The following KIAA1328 variants were observed in gnomAD, a reference collection of about 807,000 sequenced individuals.
KIAA1328 encodes KIAA1328.
Under a neutral mutation model 68.1 loss-of-function variants are expected in KIAA1328, and 52 were observed. The ratio of observed to expected loss-of-function variants is 0.76; its 90% CI spans 0.61 to 0.96. KIAA1328 has a LOEUF of 0.96. KIAA1328 is among the 40% of genes least tolerant of loss of function. The pLI, the probability that KIAA1328 is intolerant of heterozygous loss-of-function variation, is 0.00. For synonymous variants in KIAA1328, 232 were observed against 239.4 expected, an observed-to-expected ratio of 0.97 and a Z score of 0.28; for missense variants, 641 against 677.6, an observed-to-expected ratio of 0.95 and a Z score of 0.60.
chr18:37,060,211 T>TC (rs1371199423), intron 6 of KIAA1328, among the ~76,000 whole-genome samples: 2 of 152,156 alleles, frequency 1.3e-5, no homozygotes, highest in Non-Finnish European at 2.9e-5. Flanking sequence ...TTGGAAAATG[T>TC]AGGGCATTCA....
At chr18:37,078,336 G>A (rs1256799986) in intron 7 of KIAA1328, among the ~76,000 whole-genome samples, 1 of 151,978 alleles carries the variant, frequency 6.6e-6, no homozygotes, top group Non-Finnish European at 1.5e-5. Flanking sequence ...ATTCAAGATG[G>A]ATTAAAGACT....
chr18:37,042,249 C>T (rs748067596), intron 6 of KIAA1328, among the ~76,000 whole-genome samples: 16 of 152,104 alleles, frequency 1.1e-4, no homozygotes, highest in South Asian at 2.1e-4. Context: ...AATTATTTTA[C>T]GTAATTGTCT....
At chr18:36,940,117 A>T (rs1255447719) in intron 5 of KIAA1328, among the ~76,000 whole-genome samples, 1 of 152,226 alleles carries the variant, frequency 6.6e-6, no homozygotes, top group Non-Finnish European at 1.5e-5. Context: ...ATAAAAAGAT[A>T]TGACTTTGGA....
chr18:36,885,826 C>T, intron 5 of KIAA1328, 154 bp downstream of exon 5: 1 of 542,134 alleles, frequency 1.8e-6, no homozygotes. Context: ...AAGCGATTCT[C>T]CTACCTCAGC....
chr18:37,132,964 T>A (rs2058556700), intron 7 of KIAA1328, among the ~76,000 whole-genome samples: 1 of 152,190 alleles, frequency 6.6e-6, no homozygotes, highest in African/African-American at 2.4e-5. Context: ...TTACAGACAT[T>A]GTGCTGAATA....
At chr18:37,106,567 C>T (rs558754482) in intron 7 of KIAA1328, among the ~76,000 whole-genome samples, 1 of 152,088 alleles carries the variant, frequency 6.6e-6, no homozygotes, top group South Asian at 2.1e-4. Context: ...TACAGGCGTG[C>T]CCCACCACGC....
At chr18:37,189,750 A>G (rs2059870304) in intron 9 of KIAA1328, among the ~76,000 whole-genome samples, 1 of 152,108 alleles carries the variant, frequency 6.6e-6, no homozygotes, top group Admixed American at 6.6e-5. Context: ...TTATTCAAGA[A>G]TCTGTTTGCT....
chr18:36,922,177 C>A (rs2049952651), intron 5 of KIAA1328, among the ~76,000 whole-genome samples: 1 of 152,022 alleles, frequency 6.6e-6, no homozygotes, highest in Non-Finnish European at 1.5e-5. Context: ...GCATTTAATA[C>A]TATTCTTAGG....
chr18:36,999,452 T>G (rs1431982700), intron 6 of KIAA1328, among the ~76,000 whole-genome samples: 1 of 152,174 alleles, frequency 6.6e-6, no homozygotes, highest in Non-Finnish European at 1.5e-5. Context: ...CAAAAAGGAC[T>G]TCTCCATGGC....
At chr18:37,214,936 G>T (rs548668320) in intron 9 of KIAA1328, among the ~76,000 whole-genome samples, 61 of 152,294 alleles carry the variant, frequency 4.0e-4, no homozygotes, top group African/African-American at 1.4e-3. Flanking sequence ...GTTCACTCAT[G>T]ATTTGGCTCT....
At chr18:37,071,057 C>CTTT (rs58722044) in intron 7 of KIAA1328, among the ~76,000 whole-genome samples, 2 of 86,846 alleles carry the variant, frequency 2.3e-5, no homozygotes, top group Admixed American at 1.3e-4. Context: ...TTTTTTCTTC[C>CTTT]TTTTTTTTTT....
At chr18:37,070,845 A>G (rs1043190406) in intron 7 of KIAA1328, among the ~76,000 whole-genome samples, 2 of 151,790 alleles carry the variant, frequency 1.3e-5, no homozygotes, top group Non-Finnish European at 2.9e-5. Flanking sequence ...TTTTTTATCT[A>G]AAGTCTCCTT....
rs950862782 is a variant in KIAA1328 at position 37,102,381 on chromosome 18, G to A, written c.1232+34836G>A. 9.2e-5 allele frequency among the ~76,000 whole-genome samples: 14 copies of A among 152,242 alleles called. No individual in the cohort carries two copies. In the Middle Eastern group the frequency reaches 0.01, roughly 111 times the overall value. Reference sequence around the variant, plus strand: ...AGCAACCACCATGGCACACGTTTGCGTTTGTAACAAACCTGCACATCCTGC... The same window carrying A: ...AGCAACCACCATGGCACACGTTTGCATTTGTAACAAACCTGCACATCCTGC... On this transcript the variant is annotated intron_variant, in intron 7 of 9. Transcript: ENST00000280020.
chr18:36,869,895 A>T (rs2150924540), intron 4 of KIAA1328, among the ~76,000 whole-genome samples: 1 of 151,694 alleles, frequency 6.6e-6, no homozygotes, highest in South Asian at 2.1e-4. Flanking sequence ...ACGGAGTCTC[A>T]CTCTGTCACC....
chr18:37,165,409 A>G (rs1449942740), intron 8 of KIAA1328, among the ~76,000 whole-genome samples: 2 of 150,942 alleles, frequency 1.3e-5, no homozygotes, highest in African/African-American at 2.4e-5. Flanking sequence ...ATTTTTATTT[A>G]TTTATTTATT....
chr18:36,939,221 G>C (rs1273060782), intron 5 of KIAA1328, among the ~76,000 whole-genome samples: 1 of 152,134 alleles, frequency 6.6e-6, no homozygotes, highest in Non-Finnish European at 1.5e-5. Context: ...TCTAATCCAT[G>C]AACATGGGAT....
At chr18:37,038,429 T>G (rs1025021009) in intron 6 of KIAA1328, among the ~76,000 whole-genome samples, 1 of 152,184 alleles carries the variant, frequency 6.6e-6, no homozygotes, top group Non-Finnish European at 1.5e-5. Flanking sequence ...TTGATGCTAT[T>G]CTGAATGTAA....
Position 37,067,429 on chromosome 18 carries a change from T to G in KIAA1328, c.1116T>G (p.Leu372=), listed in dbSNP as rs1599141463. The G allele has an allele frequency of 2.5e-6, 4 of 1,602,016 alleles. No homozygotes were observed. The East Asian group carries it at 9.0e-5, about 36-fold the overall frequency. ...ISEDRKQQLM[L]QKMELEIEKE... is the part of the protein sequence containing the mutation. Reference sequence around the variant, plus strand: ...AAGATAGAAAGCAGCAACTGATGCTTCAGAAAATGGAACTGGAAATTGAAA... The same window carrying G: ...AAGATAGAAAGCAGCAACTGATGCTGCAGAAAATGGAACTGGAAATTGAAA... The change falls in exon 7 of 10, where the codon CTT becomes CTG. Residue 372 remains leucine, a synonymous_variant. Transcript: ENST00000280020.
intron 9 of KIAA1328, among the ~76,000 whole-genome samples, chr18:37,203,069 A>T (rs568195108): frequency 6.7e-5 from 10 of 149,856 alleles, no homozygotes; most frequent in Non-Finnish European, 1.0e-4. Context: ...TTTTTTTTTT[A>T]AAGTTTACTC....
Sources: gnomAD v4.1 joint callset for allele counts (sites outside exome capture counted in the v4.1 genomes callset) on GRCh38, gnomAD v4.1.1 for gene constraint, MANE v1.5 for transcripts, NCBI Gene and HGNC (gene_info 2026-07-23, HGNC 2026-07-21) for gene names.